TMEM132C: variants seen among roughly 807,000 people sequenced by gnomAD.
TMEM132C encodes the protein protein phosphatase 1, regulatory subunit 152.
TMEM132C carries 29 observed loss-of-function variants against 61.4 expected under a neutral mutation model. That is an observed-to-expected ratio of 0.47 (90% CI 0.35 to 0.64). The LOEUF is 0.64. Ranked by LOEUF, TMEM132C falls within the 30% of genes least tolerant of loss-of-function variation. TMEM132C has a pLI of 0.00. For synonymous variants in TMEM132C, 656 were observed against 633.1 expected (o/e 1.04, Z -0.54); for missense variants, 1,408 against 1,476.9 (o/e 0.95, Z 0.76).
Position 128,570,690 on chromosome 12 carries a change from C to G in TMEM132C, c.1121+26587C>G, listed in dbSNP as rs1874847136. The stretch of plus-strand genomic sequence containing the variant: ...ATGGCATGTGGTGGCTTTTCTCATG[C>G]TCACAGGATGACAGCTATACCCACA... On this transcript the variant is annotated intron_variant, in intron 3 of 8. Transcript: ENST00000435159. This position sits in a 1 kb window ranked among gnomAD's most constrained non-coding sequence, Gnocchi z 4.7. Among the ~76,000 whole-genome samples the G allele has an allele frequency of 6.6e-6, 1 of 152,172 alleles. No homozygotes were observed. Among genetic ancestry groups the G allele is most frequent in the Admixed American group, 6.5e-5 (1 of 15,282 alleles).
intron 3 of TMEM132C, among the ~76,000 whole-genome samples, chr12:128,571,152 T>A (rs1166138052): frequency 6.6e-6 from 1 of 152,190 alleles, no homozygotes; most frequent in Non-Finnish European, 1.5e-5. Flanking sequence ...AAAGCCAGTG[T>A]TCTGAGGATG....
chr12:128,359,340 G>A (rs1873622272), intron 1 of TMEM132C, among the ~76,000 whole-genome samples: 2 of 152,136 alleles, frequency 1.3e-5, no homozygotes, highest in Non-Finnish European at 2.9e-5. Context: ...ATGTGCAGGG[G>A]AACTCTCCTT....
intron 4 of TMEM132C, among the ~76,000 whole-genome samples, chr12:128,642,797 G>A (rs574429062): frequency 1.2e-3 from 181 of 152,300 alleles, no homozygotes; most frequent in South Asian, 7.3e-3. Context: ...AAAGAGAAGC[G>A]GAGGCACAGA....
chr12:128,335,356 C>T (rs534242111), intron 1 of TMEM132C, among the ~76,000 whole-genome samples: 72 of 152,282 alleles, frequency 4.7e-4, no homozygotes, highest in African/African-American at 9.9e-4. Context: ...TGCGTTTATG[C>T]AATAAAGGTA....
At chr12:128,290,999 C>G (rs538174642) in intron 1 of TMEM132C, among the ~76,000 whole-genome samples, 2 of 152,276 alleles carry the variant, frequency 1.3e-5, no homozygotes, top group Admixed American at 6.5e-5. Context: ...AAGTTTACAT[C>G]TTTTCCACAA....
At chr12:128,472,659 G>A (rs775563351) in intron 2 of TMEM132C, among the ~76,000 whole-genome samples, 3 of 152,222 alleles carry the variant, frequency 2.0e-5, no homozygotes, top group Non-Finnish European at 2.9e-5. Flanking sequence ...TCCCTGGTGG[G>A]ATCAGGAAGC....
intron 4 of TMEM132C, 32 bp downstream of exon 4, chr12:128,616,367 A>G (rs1876801399): frequency 6.5e-7 from 1 of 1,531,282 alleles, no homozygotes; most frequent in Non-Finnish European, 8.8e-7. Flanking sequence ...ATGCTCCTGC[A>G]TTCAGCCACC....
chr12:128,658,325 A>C (rs1322436028), intron 4 of TMEM132C, among the ~76,000 whole-genome samples: 1 of 152,064 alleles, frequency 6.6e-6, no homozygotes. Context: ...TGAGAGCTGG[A>C]CCCTCTTTTC....
chr12:128,519,790 G>C (rs991237093), intron 2 of TMEM132C, among the ~76,000 whole-genome samples: 6 of 152,168 alleles, frequency 3.9e-5, no homozygotes, highest in Non-Finnish European at 8.8e-5. Context: ...ATGAGGGGTT[G>C]GCAGTTAGTG....
intron 2 of TMEM132C, among the ~76,000 whole-genome samples, chr12:128,502,437 T>G (rs541482576): frequency 6.6e-6 from 1 of 152,370 alleles, no homozygotes; most frequent in South Asian, 2.1e-4. Flanking sequence ...CTTTCAGGGC[T>G]TATAGCTCTA....
chr12:128,378,488 A>G (rs549738824), intron 1 of TMEM132C, among the ~76,000 whole-genome samples: 1 of 152,292 alleles, frequency 6.6e-6, no homozygotes, highest in East Asian at 1.9e-4. Flanking sequence ...AGGAGATCAA[A>G]ATTTCCTAGA....
chr12:128,303,229 AG>A (rs1173492792), intron 1 of TMEM132C, among the ~76,000 whole-genome samples: 1 of 152,302 alleles, frequency 6.6e-6, no homozygotes, highest in Non-Finnish European at 1.5e-5. Context: ...ATTCTTTAAA[AG>A]AAAGGATACT....
chr12:128,539,013 C>T (rs1370631316), intron 2 of TMEM132C, among the ~76,000 whole-genome samples: 1 of 152,090 alleles, frequency 6.6e-6, no homozygotes, highest in Admixed American at 6.5e-5. Context: ...GTATATTTAG[C>T]TCATATTTAT....
chr12:128,595,799 G>A lies in TMEM132C; in HGVS notation c.1122-20353G>A, dbSNP rs140848154. Among the ~76,000 whole-genome samples the A allele has an allele frequency of 5.3e-5, 8 of 152,284 alleles. No homozygotes were observed. In the East Asian group the frequency reaches 1.2e-3, roughly 22 times the overall value. On this transcript the variant is annotated intron_variant, in intron 3 of 8. Coordinates refer to ENST00000435159, the MANE Select transcript of TMEM132C (RefSeq NM_001136103.3). Reference sequence around the variant, plus strand: ...CTAGAAGGGAAATCCACCTGGTGACGTCACACTGACCGTACAGAATGGGAA... The same window carrying A: ...CTAGAAGGGAAATCCACCTGGTGACATCACACTGACCGTACAGAATGGGAA...
chr12:128,473,714 C>T (rs565137827), intron 2 of TMEM132C, among the ~76,000 whole-genome samples: 7 of 152,402 alleles, frequency 4.6e-5, no homozygotes, highest in African/African-American at 1.7e-4. Context: ...ATCTTCACTC[C>T]AGCCTCCGTT....
At chr12:128,541,255 TACCACCTTCCAGGGAC>T (rs1873740052) in intron 2 of TMEM132C, among the ~76,000 whole-genome samples, 1 of 152,204 alleles carries the variant, frequency 6.6e-6, no homozygotes, top group Admixed American at 6.5e-5. Context: ...CTTCCTGGGA[TACCACCTTCCAGGGAC>T]ACCACCTTCC....
chr12:128,437,670 C>A (rs373300972), intron 2 of TMEM132C: 1 of 152,202 alleles, frequency 6.6e-6, no homozygotes, highest in Non-Finnish European at 1.5e-5. Flanking sequence ...ATATTTATAC[C>A]ATCTCTAGCA....
chr12:128,626,222 G>A (rs1052437026), intron 4 of TMEM132C, among the ~76,000 whole-genome samples: 1 of 149,780 alleles, frequency 6.7e-6, no homozygotes, highest in Non-Finnish European at 1.5e-5. Context: ...CGCCTCCCAG[G>A]TTCAAGCAAT....
intron 1 of TMEM132C, among the ~76,000 whole-genome samples, chr12:128,376,282 T>G (rs1673384346): frequency 6.6e-6 from 1 of 152,246 alleles, no homozygotes; most frequent in Admixed American, 6.5e-5. Context: ...TTCTGATTTA[T>G]GAAGGTCTCA....
Sources: allele counts gnomAD v4.1 joint callset (sites outside exome capture counted in the v4.1 genomes callset), GRCh38; gene constraint gnomAD v4.1.1; non-coding constraint Gnocchi (gnomAD v3.1); transcripts MANE v1.5; gene names NCBI Gene and HGNC (gene_info 2026-07-23, HGNC 2026-07-21).